Variants in MON2 observed in about 807,000 individuals in gnomAD.
The protein encoded by MON2 is protein MON2 homolog.
Under a neutral mutation model 208.6 loss-of-function variants are expected in MON2, and 84 were observed. The observed-to-expected ratio is 0.40, with a 90% CI of 0.34 to 0.48. The LOEUF is 0.48. MON2 is among the 20% of genes least tolerant of loss of function. The probability of loss-of-function intolerance (pLI) is 0.59; values close to 1 mark genes in which losing one functional copy is unlikely to be tolerated. For missense variants in MON2, 1,611 were observed against 2,015.4 expected (o/e 0.80, Z 3.84); for synonymous variants, 660 against 694.0 (o/e 0.95, Z 0.77).
intron 1 of MON2, among the ~76,000 whole-genome samples, chr12:62,470,044 A>G (rs943485321): frequency 2.0e-5 from 3 of 151,862 alleles, no homozygotes; most frequent in African/African-American, 2.4e-5. Flanking sequence ...AGCTGGGACT[A>G]CAGGTGCATG....
At chr12:62,474,417 C>T (rs2068957289) in intron 1 of MON2, among the ~76,000 whole-genome samples, 1 of 151,516 alleles carries the variant, frequency 6.6e-6, no homozygotes, top group Non-Finnish European at 1.5e-5. Flanking sequence ...TGCGCCTGGC[C>T]TCTTCTTTTT....
chr12:62,479,910 A>G (rs1025003306), intron 1 of MON2, among the ~76,000 whole-genome samples: 1 of 152,174 alleles, frequency 6.6e-6, no homozygotes, highest in African/African-American at 2.4e-5. Flanking sequence ...AGAAGCTAAC[A>G]ATTTTTTTTC....
At chr12:62,525,853 AT>A (rs1171423448) in intron 10 of MON2, 95 bp from the exon 11 acceptor site, 68 of 1,158,828 alleles carry the variant, frequency 5.9e-5, no homozygotes, top group Non-Finnish European at 7.7e-5. Flanking sequence ...TAGCACAGAA[AT>A]TTTTTTTAAA....
chr12:62,518,625 G>T (rs958797670), intron 8 of MON2, among the ~76,000 whole-genome samples: 4 of 151,986 alleles, frequency 2.6e-5, no homozygotes, highest in African/African-American at 9.7e-5. Flanking sequence ...CCTTTAATTG[G>T]TGGGGGTGTA....
intron 1 of MON2, among the ~76,000 whole-genome samples, chr12:62,467,939 C>T (rs1207502913): frequency 6.7e-6 from 1 of 150,202 alleles, no homozygotes; most frequent in Non-Finnish European, 1.5e-5. Context: ...TAAATCTTAA[C>T]CTCTTTGAGC....
intron 7 of MON2, among the ~76,000 whole-genome samples, chr12:62,507,315 CTTT>C (rs112565800): frequency 7.0e-6 from 1 of 142,782 alleles, no homozygotes. Context: ...TTTTCTTTTT[CTTT>C]TTTTTTTTTC....
At chr12:62,515,302 G>C (rs2071629169) in intron 8 of MON2, among the ~76,000 whole-genome samples, 1 of 152,168 alleles carries the variant, frequency 6.6e-6, no homozygotes, top group South Asian at 2.1e-4. Context: ...ATATCATTCA[G>C]CCTTAAAGAA....
chr12:62,598,356 T>G lies in MON2; in HGVS notation c.*5607T>G, dbSNP rs909428867. The G allele has an allele frequency of 6.6e-6, 1 of 152,250 alleles. No individual in the cohort carries two copies. The highest frequency in any genetic ancestry group is 2.4e-5 in the African/African-American group (1 of 41,466). The allele number at this position is 152,250 out of a possible 1,614,324, so 9.4% of individuals were successfully genotyped here. ...ATAAACAGTGCAGCCAGGGAAGATC[T>G]GCTAAACCATGCCGTTATTTGGAAA... On this transcript the variant is annotated 3_prime_UTR_variant, in exon 35 of 35. Transcript: ENST00000393630.
Position 62,595,351 on chromosome 12 carries a change from G to C in MON2, c.*2602G>C, listed in dbSNP as rs1247239160. On this transcript the variant is annotated 3_prime_UTR_variant, in exon 35 of 35. Transcript: ENST00000393630. The stretch of plus-strand genomic sequence containing the variant: ...GTAGAGATGGGGTTTCACCATTTTG[G>C]CCATTCTAGTCTTGAACTCCTGACC... 6.6e-6 allele frequency: 1 copy of C among 151,988 alleles called. No individual in the cohort carries two copies. Among genetic ancestry groups the C allele is most frequent in the Non-Finnish European group, 1.5e-5 (1 of 68,022 alleles). The allele number at this position is 151,988 out of a possible 1,614,324, so 9.4% of individuals were successfully genotyped here.
intron 8 of MON2, among the ~76,000 whole-genome samples, chr12:62,515,552 A>C (rs570053389): frequency 6.6e-6 from 1 of 152,314 alleles, no homozygotes; most frequent in African/African-American, 2.4e-5. Context: ...GCAGTGGTGC[A>C]TGCCTGTAAT....
At chr12:62,534,806 A>G (rs573576857) in intron 12 of MON2, 39 bp from the exon 13 acceptor site, 70 of 1,438,712 alleles carry the variant, frequency 4.9e-5, no homozygotes, top group East Asian at 9.4e-5. Flanking sequence ...TGTGCTATCT[A>G]TAATTAAAAT....
chr12:62,545,590 G>A (rs555744576), intron 21 of MON2: 137 of 152,048 alleles, frequency 9.0e-4, no homozygotes, highest in African/African-American at 3.2e-3. Flanking sequence ...ATAAAAATAT[G>A]GAGTACATCA....
rs2068539909 is a variant in MON2 at position 62,466,828 on chromosome 12, C to G, written c.-380C>G. 2.5e-6 allele frequency: 1 copy of G among 404,432 alleles called. No homozygotes were observed. The highest frequency in any genetic ancestry group is 4.4e-6 in the Non-Finnish European group (1 of 228,832). 25.1% of individuals were successfully genotyped at this position (404,432 alleles called of 1,614,324 possible). ...CGGCAGCGCTCGGAATTGTGGGCGA[C>G]TCGGCTAATGGCGTCGGCGAGTCTT... On this transcript the variant is annotated 5_prime_UTR_variant, in exon 1 of 35. Transcript: ENST00000393630.
At chr12:62,573,223 A>C (rs866824726) in intron 30 of MON2, among the ~76,000 whole-genome samples, 3 of 152,190 alleles carry the variant, frequency 2.0e-5, no homozygotes, top group African/African-American at 7.2e-5. Context: ...TTATGTTTTC[A>C]TCTTTAAAAT....
At chr12:62,568,215 T>A (rs2074454622) in intron 29 of MON2, among the ~76,000 whole-genome samples, 1 of 152,186 alleles carries the variant, frequency 6.6e-6, no homozygotes, top group Non-Finnish European at 1.5e-5. Context: ...GTTGAGAAAT[T>A]TAGTTCAGAA....
At chr12:62,525,848 C>A (rs1464645206) in intron 10 of MON2, 101 bp from the exon 11 acceptor site, 5 of 1,076,642 alleles carry the variant, frequency 4.6e-6, no homozygotes, top group Non-Finnish European at 5.5e-6. Context: ...TCTGATAGCA[C>A]AGAAATTTTT....
At position 62,574,595 on chromosome 12, in the gene MON2, G is replaced by GT. The variant is rs202199264; in HGVS notation, c.4514+3013_4514+3014insT. On this transcript the variant is annotated intron_variant, in intron 30 of 34. Transcript: ENST00000393630. Reference sequence around the variant, plus strand: ...GATTTTGCCATGTTGCCCAGGCTTGGAGTTATTTTTAATGGCTAAAAATAA... The same window carrying GT: ...GATTTTGCCATGTTGCCCAGGCTTGGTAGTTATTTTTAATGGCTAAAAATAA... Among the ~76,000 whole-genome samples, 51 of 152,062 alleles carry GT rather than the reference G, an allele frequency of 3.4e-4. 1 individual carries two copies. In the East Asian group the frequency reaches 8.7e-3, roughly 26 times the overall value.
rs1404102488 is a variant in MON2 at position 62,524,551 on chromosome 12, A to C, written c.1021A>C (p.Lys341Gln). The change falls in exon 9 of 35, where the codon AAA (lysine) becomes CAA (glutamine). Residue 341 changes from lysine to glutamine, a missense_variant. By Grantham distance (53) the Lys-to-Gln change is moderately conservative. Transcript: ENST00000393630. The stretch of plus-strand genomic sequence containing the variant: ...TGAGATATTTCTGTCACTTCTGGTG[A>C]AATTTCTGGATGCAGATAAACCACA... ...ECEIFLSLLV[K>Q]FLDADKPQWL... 6.2e-7 allele frequency: 1 copy of C among 1,612,846 alleles called. No individual in the cohort carries two copies. Among genetic ancestry groups the C allele is most frequent in the Non-Finnish European group, 8.5e-7 (1 of 1,179,056 alleles).
intron 7 of MON2, among the ~76,000 whole-genome samples, chr12:62,502,242 T>A (rs1007763650): frequency 1.3e-5 from 2 of 151,500 alleles, no homozygotes; most frequent in East Asian, 1.9e-4. Context: ...TAAAACAAAA[T>A]TTTTTTAAAA....
Sources: gnomAD v4.1 joint callset for allele counts (sites outside exome capture counted in the v4.1 genomes callset) on GRCh38, gnomAD v4.1.1 for gene constraint, MANE v1.5 for transcripts, NCBI Gene and HGNC (gene_info 2026-07-23, HGNC 2026-07-21) for gene names.